The following LMNTD1 variants were observed in gnomAD, a reference collection of about 807,000 sequenced individuals.
LMNTD1 encodes lamin tail domain-containing protein 1.
A neutral mutation model predicts 50.9 loss-of-function variants in LMNTD1; 35 were observed. That is an observed-to-expected ratio of 0.69 (90% CI 0.53 to 0.91). The LOEUF (loss-of-function observed/expected upper bound fraction) is 0.91. LMNTD1 is among the 40% of genes least tolerant of loss of function. The pLI is 0.00. For synonymous variants in LMNTD1, 153 were observed against 161.9 expected, an observed-to-expected ratio of 0.94 and a Z score of 0.42; for missense variants, 470 against 475.5, an observed-to-expected ratio of 0.99 and a Z score of 0.11.
At chr12:25,566,422 G>A (rs1334267111) in intron 1 of LMNTD1, among the ~76,000 whole-genome samples, 1 of 152,192 alleles carries the variant, frequency 6.6e-6, no homozygotes, top group Non-Finnish European at 1.5e-5. Flanking sequence ...CTATAAATAC[G>A]GAAGTGCAAG....
At chr12:25,510,140 T>G (rs1485934732) in intron 8 of LMNTD1, among the ~76,000 whole-genome samples, 2 of 152,228 alleles carry the variant, frequency 1.3e-5, no homozygotes, top group Non-Finnish European at 2.9e-5. Flanking sequence ...TTTCCAATTT[T>G]TTTTTACTTC....
intron 9 of LMNTD1, among the ~76,000 whole-genome samples, chr12:25,503,330 C>CTCATT (rs1370533392): frequency 6.6e-6 from 1 of 152,148 alleles, no homozygotes; most frequent in East Asian, 1.9e-4. Context: ...CAAGTGAGAA[C>CTCATT]AGCTGCAGTC....
chr12:25,553,321 T>A, upstream of LMNTD1: 1 of 1,232,672 alleles, frequency 8.1e-7, no homozygotes, highest in Non-Finnish European at 1.1e-6. Context: ...CTTAGAACTA[T>A]GAGGTAATGT....
intron 1 of LMNTD1, among the ~76,000 whole-genome samples, chr12:25,583,036 C>T (rs1353456561): frequency 2.8e-5 from 4 of 144,224 alleles, no homozygotes; most frequent in Admixed American, 2.1e-4. Flanking sequence ...TTTTTTGAGA[C>T]GGAGTCTCGA....
chr12:25,497,711 T>C (rs61924635), intron 9 of LMNTD1: 1,788 of 151,872 alleles, frequency 0.012, 28 homozygotes, highest in Non-Finnish European at 0.021. Flanking sequence ...CGCAGGAGAC[T>C]CACTTGAACC....
At chr12:25,628,005 G>T (rs1207939439) in intron 1 of LMNTD1, among the ~76,000 whole-genome samples, 3 of 150,238 alleles carry the variant, frequency 2.0e-5, no homozygotes, top group African/African-American at 7.4e-5. Flanking sequence ...CTACACGGGA[G>T]GCTGAGGCAG....
rs145160102 is a variant in LMNTD1, at chr12:25,590,344, G to C, written c.59-43790C>G. Reference sequence around the variant, plus strand: ...TCTCTATTGATGCCCACCATGGAGAGAGCAATTAAAGTAGCCTAGCCAGAG... The same window carrying C: ...TCTCTATTGATGCCCACCATGGAGACAGCAATTAAAGTAGCCTAGCCAGAG... On this transcript the variant is annotated intron_variant, in intron 1 of 7. Coordinates refer to the LMNTD1 transcript ENST00000445693. Among the ~76,000 whole-genome samples, 80 of 152,268 alleles carry C rather than the reference G, an allele frequency of 5.3e-4. 2 individuals carry two copies. Among genetic ancestry groups the C allele is most frequent in the Non-Finnish European group, 9.1e-4 (62 of 68,006 alleles).
intron 9 of LMNTD1, among the ~76,000 whole-genome samples, chr12:25,480,619 C>G (rs1266341202): frequency 1.3e-5 from 2 of 152,216 alleles, no homozygotes; most frequent in African/African-American, 4.8e-5. Flanking sequence ...AAAACCTAGA[C>G]CCATTCTCCC....
intron 9 of LMNTD1, among the ~76,000 whole-genome samples, chr12:25,488,594 C>T (rs1358257340): frequency 8.0e-5 from 12 of 150,646 alleles, no homozygotes; most frequent in African/African-American, 2.9e-4. Flanking sequence ...TCCCATAGCT[C>T]AGAGTAATTT....
rs781742784 is a variant in LMNTD1, at chr12:25,519,586, T to TTAAAAAAAAAAAAA, written c.1016+271_1016+272insTTTTTTTTTTTTTA. The stretch of plus-strand genomic sequence containing the variant: ...CTGGGTGACAGAGCGAGACTCTGTC[T>TTAAAAAAAAAAAAA]CAAAAAAAAAAAAAAAAAAAAAGTG... On this transcript the variant is annotated intron_variant, in intron 7 of 9. Coordinates refer to ENST00000458174, the MANE Select transcript of LMNTD1 (RefSeq NM_001145728.2). 1.6e-4 allele frequency among the ~76,000 whole-genome samples: 12 copies of TTAAAAAAAAAAAAA among 74,952 alleles called. 1 individual carries two copies. The highest frequency in any genetic ancestry group is 1.1e-3 in the South Asian group (2 of 1,872). 49.2% of individuals were successfully genotyped at this position (74,952 alleles called of 152,430 possible).
rs1177860904 is a variant in LMNTD1, at chr12:25,526,820, A to G, written c.627T>C (p.Ser209=). The change falls in exon 5 of 10, where the codon TCT becomes TCC. Residue 209 remains serine, a synonymous_variant. Coordinates refer to ENST00000458174, the MANE Select transcript of LMNTD1 (RefSeq NM_001145728.2). ...CGATGTTTGGAAGGAATCGGTACAAAGAAATGGTTTGTCCATTCACATTTT... is the reference window on the plus strand; with the variant it reads ...CGATGTTTGGAAGGAATCGGTACAAGGAAATGGTTTGTCCATTCACATTTT... ...LQQNVNGQTI[S]LYRFLPNIVM... is the part of the protein sequence containing the mutation. The G allele has an allele frequency of 1.2e-6, 2 of 1,613,004 alleles. No homozygotes were observed. The highest frequency in any genetic ancestry group is 1.7e-6 in the Non-Finnish European group (2 of 1,179,418).
chr12:25,624,291 C>T (rs552898484), intron 1 of LMNTD1, among the ~76,000 whole-genome samples: 69 of 152,208 alleles, frequency 4.5e-4, no homozygotes, highest in African/African-American at 1.5e-3. Flanking sequence ...AGTCTTAATC[C>T]GAATACTGCC....
chr12:25,531,175 A>G (rs1449509095), intron 4 of LMNTD1, among the ~76,000 whole-genome samples: 1 of 152,186 alleles, frequency 6.6e-6, no homozygotes, highest in East Asian at 1.9e-4. Context: ...CAGTGTCCAG[A>G]TAAGAGCCTA....
At chr12:25,511,916 C>G (rs1195728279) in intron 8 of LMNTD1, among the ~76,000 whole-genome samples, 2 of 152,116 alleles carry the variant, frequency 1.3e-5, no homozygotes, top group Non-Finnish European at 2.9e-5. Context: ...ATGCTTTGCC[C>G]CCCCTCTTTT....
chr12:25,628,545 G>T (rs959074264), intron 1 of LMNTD1, among the ~76,000 whole-genome samples: 1 of 152,100 alleles, frequency 6.6e-6, no homozygotes, highest in Non-Finnish European at 1.5e-5. Flanking sequence ...ACCTTATATG[G>T]CAAGGGGAAC....
chr12:25,497,049 A>G (rs1939101196), intron 9 of LMNTD1, among the ~76,000 whole-genome samples: 1 of 152,116 alleles, frequency 6.6e-6, no homozygotes, highest in Non-Finnish European at 1.5e-5. Flanking sequence ...CATTTTTTTA[A>G]TAACTGAATA....
chr12:25,477,400 T>C (rs1157671827), intron 9 of LMNTD1, among the ~76,000 whole-genome samples: 1 of 151,832 alleles, frequency 6.6e-6, no homozygotes, highest in Non-Finnish European at 1.5e-5. Flanking sequence ...TTGGTGGGGA[T>C]AAAATCGGTC....
chr12:25,543,916 T>A (rs566087114), intron 4 of LMNTD1, among the ~76,000 whole-genome samples: 223 of 152,124 alleles, frequency 1.5e-3, no homozygotes, highest in African/African-American at 5.3e-3. Context: ...AAGAATTGAT[T>A]TCTGGTTTTA....
chr12:25,536,957 A>G (rs1017142540), intron 4 of LMNTD1, among the ~76,000 whole-genome samples: 3 of 152,240 alleles, frequency 2.0e-5, no homozygotes, highest in Admixed American at 2.0e-4. Context: ...AATCAAAGAA[A>G]GGGGTGACAG....
Sources: gnomAD v4.1 joint callset for allele counts (sites outside exome capture counted in the v4.1 genomes callset) on GRCh38, gnomAD v4.1.1 for gene constraint, MANE v1.5 for transcripts, NCBI Gene and HGNC (gene_info 2026-07-23, HGNC 2026-07-21) for gene names.